Variants in DNAH14 observed in about 807,000 individuals in gnomAD.
DNAH14 encodes the protein dynein axonemal heavy chain 14.
DNAH14 carries 478 observed loss-of-function variants against 520.9 expected under a neutral mutation model. That is an observed-to-expected ratio of 0.92 (90% CI 0.85 to 0.99). The LOEUF (loss-of-function observed/expected upper bound fraction) is 0.99, where lower values mean the gene tolerates loss of function less well. DNAH14 is among the 50% of genes least tolerant of loss of function. The pLI, the probability that DNAH14 is intolerant of heterozygous loss-of-function variation, is 0.00. For synonymous variants in DNAH14, 1,581 were observed against 1,757.2 expected (o/e 0.90, Z 2.51); for missense variants, 4,831 against 5,234.5 (o/e 0.92, Z 2.38).
At chr1:225,048,828 ATCTATGAAT>A (rs1349968050) in intron 15 of DNAH14, among the ~76,000 whole-genome samples, 1 of 152,160 alleles carries the variant, frequency 6.6e-6, no homozygotes, top group African/African-American at 2.4e-5. Flanking sequence ...CTTACCAGCA[ATCTATGAAT>A]TCCAGTTGCT....
chr1:224,930,781 G>A (rs2058644354), intron 1 of DNAH14, among the ~76,000 whole-genome samples: 1 of 152,124 alleles, frequency 6.6e-6, no homozygotes, highest in African/African-American at 2.4e-5. Context: ...TGTATTTTTA[G>A]TAGAGACGGG....
chr1:225,316,788 T>C (rs773181409), intron 60 of DNAH14, among the ~76,000 whole-genome samples: 17 of 152,296 alleles, frequency 1.1e-4, no homozygotes, highest in Middle Eastern at 3.4e-3. Flanking sequence ...ACCAGAGCTG[T>C]TCCTATTTGG....
rs557710780 is a variant in DNAH14, at chr1:225,346,013, T to C, written c.10730T>C (p.Met3577Thr). ...GTAGATACCTTAAGAAAATCCAAAA[T>C]GACATCAAACGAAATTTCAAAGCGC... The part of the protein sequence containing the change: ...KIVDTLRKSK[M>T]TSNEISKRIE... The change falls in exon 70 of 86, where the codon ATG becomes ACG. Residue 3577 changes from methionine (M) to threonine (T), a missense_variant. By Grantham distance (81) the Met-to-Thr change is moderately conservative. Coordinates refer to ENST00000682510, the MANE Select transcript of DNAH14 (RefSeq NM_001367479.1). 3.6e-4 allele frequency: 563 copies of C among 1,551,506 alleles called. 1 individual carries two copies. The highest frequency in any genetic ancestry group is 4.5e-4 in the Non-Finnish European group (514 of 1,146,952).
chr1:225,196,459 A>G (rs567262362), intron 38 of DNAH14, among the ~76,000 whole-genome samples: 1 of 152,274 alleles, frequency 6.6e-6, no homozygotes, highest in African/African-American at 2.4e-5. Context: ...GCAATTGTGA[A>G]TTGGGCTGCC....
intron 1 of DNAH14, among the ~76,000 whole-genome samples, chr1:224,933,451 CTTCCAGTATG>C (rs1444978097): frequency 7.9e-5 from 12 of 152,210 alleles, no homozygotes; most frequent in Middle Eastern, 3.4e-3. Context: ...CTGGCTAGGA[CTTCCAGTATG>C]AGGCTGAATG....
chr1:224,967,673 G>A (rs757688753), intron 6 of DNAH14, 90 bp downstream of exon 6: 10 of 1,597,208 alleles, frequency 6.3e-6, no homozygotes, highest in East Asian at 4.5e-5. Flanking sequence ...TTATCTTTGT[G>A]TTTCAGAGAT....
intron 1 of DNAH14, among the ~76,000 whole-genome samples, chr1:224,940,586 A>T (rs1015239140): frequency 3.3e-5 from 5 of 152,054 alleles, no homozygotes; most frequent in African/African-American, 1.2e-4. Flanking sequence ...TTAGTTACAT[A>T]TGTATGCATG....
chr1:225,102,758 C>T (rs1322392161), intron 23 of DNAH14, among the ~76,000 whole-genome samples: 2 of 151,932 alleles, frequency 1.3e-5, no homozygotes, highest in East Asian at 1.9e-4. Flanking sequence ...TCTTGTAAAT[C>T]TGACTGAGTT....
chr1:225,333,442 T>C lies in DNAH14; in HGVS notation c.10016T>C (p.Ile3339Thr), dbSNP rs755155764. The change falls in exon 66 of 86, where the codon ATT (isoleucine) becomes ACT (threonine). Residue 3339 changes from isoleucine (I) to threonine (T), a missense_variant. Transcript: ENST00000682510. ...LIVNKWETFC[I>T]ENGISLSSKF... ...GTGAATAAATGGGAGACATTCTGCA[T>C]TGAAAATGGCATTTCTTTGTCTTCC... 6.4e-7 allele frequency: 1 copy of C among 1,551,464 alleles called. No homozygotes were observed. Among genetic ancestry groups the C allele is most frequent in the South Asian group, 1.2e-5 (1 of 84,050 alleles).
At chr1:224,966,077 A>C (rs2061150740) in intron 5 of DNAH14, among the ~76,000 whole-genome samples, 1 of 152,164 alleles carries the variant, frequency 6.6e-6, no homozygotes, top group Non-Finnish European at 1.5e-5. Context: ...CTAATTTAGA[A>C]TATAGATAAC....
intron 11 of DNAH14, among the ~76,000 whole-genome samples, chr1:225,031,304 A>C (rs1305694945): frequency 1.3e-5 from 2 of 152,098 alleles, no homozygotes; most frequent in African/African-American, 2.4e-5. Flanking sequence ...ACCAAGTGTC[A>C]ACAAAATATA....
At chr1:225,102,498 G>A (rs1192509164) in intron 23 of DNAH14, among the ~76,000 whole-genome samples, 1 of 151,986 alleles carries the variant, frequency 6.6e-6, no homozygotes, top group Non-Finnish European at 1.5e-5. Flanking sequence ...CTAGTTTACA[G>A]TCCCACCAAC....
At chr1:225,352,135 A>G (rs2095373228) in intron 72 of DNAH14, among the ~76,000 whole-genome samples, 1 of 152,192 alleles carries the variant, frequency 6.6e-6, no homozygotes, top group Non-Finnish European at 1.5e-5. Context: ...CACTAGTTTC[A>G]TTACACCAGG....
chr1:225,052,866 G>A (rs933160001), intron 17 of DNAH14, among the ~76,000 whole-genome samples: 7 of 152,140 alleles, frequency 4.6e-5, no homozygotes, highest in African/African-American at 1.4e-4. Context: ...AAAATTAGTG[G>A]AGAAAGAGAC....
intron 10 of DNAH14, among the ~76,000 whole-genome samples, chr1:225,017,565 A>G (rs987332157): frequency 6.6e-6 from 1 of 152,152 alleles, no homozygotes; most frequent in African/African-American, 2.4e-5. Context: ...CCCCATTGGA[A>G]CACTTTTGCT....
At position 225,206,723 on chromosome 1, in the gene DNAH14, C is replaced by A. The variant is rs541625429; in HGVS notation, c.6187-245C>A. On this transcript the variant is annotated intron_variant, in intron 40 of 85. Transcript: ENST00000682510. ...AGTACCCCTCACCACATACACATAG[C>A]CTCAATACACCTTCCTACACATAAT... Among the ~76,000 whole-genome samples, 110 of 152,242 alleles carry A rather than the reference C, an allele frequency of 7.2e-4. 1 individual carries two copies. Among genetic ancestry groups the A allele is most frequent in the African/African-American group, 2.6e-3 (107 of 41,550 alleles).
At chr1:225,117,637 A>G (rs2076965475) in intron 23 of DNAH14, 47 bp from the exon 24 acceptor site, 3 of 1,172,326 alleles carry the variant, frequency 2.6e-6, no homozygotes, top group Non-Finnish European at 3.6e-6. Context: ...AATTCATATC[A>G]TAATTAAGCA....
intron 10 of DNAH14, among the ~76,000 whole-genome samples, chr1:225,018,062 A>G (rs2065357557): frequency 6.6e-6 from 1 of 152,192 alleles, no homozygotes; most frequent in Non-Finnish European, 1.5e-5. Flanking sequence ...GTTCTTAACC[A>G]CGTTGAAATT....
chr1:225,298,956 G>A (rs1422696253), intron 55 of DNAH14, among the ~76,000 whole-genome samples: 1 of 152,160 alleles, frequency 6.6e-6, no homozygotes, highest in African/African-American at 2.4e-5. Context: ...GGCTGCAGAG[G>A]CAGGATGCCT....
Sources: allele counts gnomAD v4.1 joint callset (sites outside exome capture counted in the v4.1 genomes callset), GRCh38; gene constraint gnomAD v4.1.1; transcripts MANE v1.5; gene names NCBI Gene and HGNC (gene_info 2026-07-23, HGNC 2026-07-21).